Variants in WDR72 observed in about 807,000 individuals in gnomAD.
WDR72 encodes WD repeat-containing protein 72.
Under a neutral mutation model 124.2 loss-of-function variants are expected in WDR72, and 120 were observed. That is an observed-to-expected ratio of 0.97 (90% CI 0.83 to 1.12). The LOEUF is 1.12. Ranked by LOEUF, WDR72 falls within the 50% of genes most tolerant of loss-of-function variation. The pLI is 0.00. For synonymous variants in WDR72, 452 were observed against 441.7 expected (o/e 1.02, Z -0.29); for missense variants, 1,387 against 1,278.8 (o/e 1.08, Z -1.29).
intron 18 of WDR72, among the ~76,000 whole-genome samples, chr15:53,525,407 C>T (rs986848414): frequency 1.3e-5 from 2 of 152,054 alleles, no homozygotes; most frequent in Non-Finnish European, 2.9e-5. Flanking sequence ...ATGCATTGCA[C>T]TTGCCATCCA....
At chr15:53,698,434 T>C (rs2017070836) in intron 13 of WDR72, among the ~76,000 whole-genome samples, 1 of 152,214 alleles carries the variant, frequency 6.6e-6, no homozygotes. Context: ...TCATTGATAA[T>C]AACAATAGTC....
chr15:53,613,570 T>C (rs1028586769), intron 16 of WDR72, 96 bp downstream of exon 16: 3 of 822,016 alleles, frequency 3.6e-6, no homozygotes, highest in African/African-American at 3.4e-5. Flanking sequence ...ATATATGTTA[T>C]TTATTTTGAC....
At chr15:53,600,807 C>A (rs905963340) in intron 17 of WDR72, among the ~76,000 whole-genome samples, 4 of 152,096 alleles carry the variant, frequency 2.6e-5, no homozygotes, top group Non-Finnish European at 1.5e-5. Context: ...ATGATGTGTA[C>A]CCAGTGGTGT....
intron 18 of WDR72, among the ~76,000 whole-genome samples, chr15:53,593,092 T>C (rs1234859510): frequency 1.3e-5 from 2 of 152,104 alleles, no homozygotes; most frequent in African/African-American, 4.8e-5. Context: ...TCTCACTTTA[T>C]TGGATTTCCA....
intron 3 of WDR72, among the ~76,000 whole-genome samples, chr15:53,719,121 T>C (rs924870920): frequency 6.6e-6 from 1 of 152,190 alleles, no homozygotes; most frequent in Non-Finnish European, 1.5e-5. Flanking sequence ...ATTTTTCATA[T>C]TTGTGTGCTT....
At chr15:53,754,734 A>G (rs1013379046) in intron 1 of WDR72, among the ~76,000 whole-genome samples, 1 of 152,094 alleles carries the variant, frequency 6.6e-6, no homozygotes, top group African/African-American at 2.4e-5. Context: ...CCACACAATA[A>G]TTCACCACAA....
At chr15:53,523,883 A>G (rs1319138638) in intron 18 of WDR72, among the ~76,000 whole-genome samples, 1 of 152,086 alleles carries the variant, frequency 6.6e-6, no homozygotes, top group African/African-American at 2.4e-5. Flanking sequence ...TATAATAAGA[A>G]GGGCTATTGT....
chr15:53,711,179 G>T, intron 8 of WDR72, 157 bp downstream of exon 8: 3 of 1,079,438 alleles, frequency 2.8e-6, no homozygotes, highest in Non-Finnish European at 4.1e-6. Context: ...TTGTACAAAG[G>T]CTGAAGCCTA....
At chr15:53,560,304 A>G (rs1203276134) in intron 18 of WDR72, among the ~76,000 whole-genome samples, 1 of 151,904 alleles carries the variant, frequency 6.6e-6, no homozygotes, top group Non-Finnish European at 1.5e-5. Flanking sequence ...TCTGATGCAC[A>G]CGGTAGGGGT....
At chr15:53,748,058 A>C (rs1407568010) in intron 1 of WDR72, among the ~76,000 whole-genome samples, 6 of 151,852 alleles carry the variant, frequency 4.0e-5, no homozygotes, top group African/African-American at 1.5e-4. Flanking sequence ...AAGTAAATTC[A>C]ACAAATATCT....
intron 1 of WDR72, among the ~76,000 whole-genome samples, chr15:53,740,481 G>T (rs958879039): frequency 3.3e-5 from 5 of 151,936 alleles, no homozygotes; most frequent in African/African-American, 1.2e-4. Flanking sequence ...CTAATTTTTT[G>T]TATTTTTAGC....
At chr15:53,640,055 T>TA (rs959128403) in intron 14 of WDR72, among the ~76,000 whole-genome samples, 20 of 152,304 alleles carry the variant, frequency 1.3e-4, no homozygotes, top group Admixed American at 4.6e-4. Context: ...CCAGGTCTTT[T>TA]AAAAAATAAT....
chr15:53,662,337 G>C (rs1362558552), intron 14 of WDR72, among the ~76,000 whole-genome samples: 1 of 152,028 alleles, frequency 6.6e-6, no homozygotes, highest in African/African-American at 2.4e-5. Flanking sequence ...ATGTTTTGTT[G>C]TATTTGTTTT....
At position 53,719,779 on chromosome 15, in the gene WDR72, A is replaced by G. The variant is rs970316875; in HGVS notation, c.260+3023T>C. On this transcript the variant is annotated intron_variant, in intron 3 of 19. Transcript: ENST00000360509. ...ATCTGTATTTTCGGTAGTGGGGCCC[A>G]GAAATCTCTAATTAAACAAACTCTG... is the stretch of plus-strand genomic sequence containing the variant. Among the ~76,000 whole-genome samples, 61 of 152,166 alleles carry G rather than the reference A, an allele frequency of 4.0e-4. 1 individual carries two copies. The highest frequency in any genetic ancestry group is 1.4e-3 in the African/African-American group (58 of 41,446).
chr15:53,648,806 C>G (rs1283539913), intron 14 of WDR72, among the ~76,000 whole-genome samples: 4 of 151,890 alleles, frequency 2.6e-5, no homozygotes, highest in African/African-American at 4.8e-5. Flanking sequence ...TGAGTTCTTT[C>G]AAACAACCAT....
intron 19 of WDR72, among the ~76,000 whole-genome samples, chr15:53,520,800 C>G (rs1337406512): frequency 6.6e-6 from 1 of 152,040 alleles, no homozygotes; most frequent in Non-Finnish European, 1.5e-5. Flanking sequence ...AGTTCAAGAA[C>G]ATCCCTCTCT....
chr15:53,520,534 G>A (rs189182472), intron 19 of WDR72, among the ~76,000 whole-genome samples: 34 of 152,150 alleles, frequency 2.2e-4, no homozygotes, highest in Non-Finnish European at 4.4e-5. Flanking sequence ...TAATGCAATT[G>A]TAAGTTTAGC....
At chr15:53,592,324 C>T (rs1319076652) in intron 18 of WDR72, among the ~76,000 whole-genome samples, 1 of 151,976 alleles carries the variant, frequency 6.6e-6, no homozygotes, top group African/African-American at 2.4e-5. Flanking sequence ...AAAAAAGATG[C>T]ACTTACTACA....
chr15:53,712,944 G>C, intron 6 of WDR72, 53 bp from the exon 7 acceptor site: 1 of 1,600,304 alleles, frequency 6.2e-7, no homozygotes, highest in Non-Finnish European at 8.5e-7. Flanking sequence ...TTCATACACA[G>C]CCATGAGAAG....
Sources: allele counts gnomAD v4.1 joint callset (sites outside exome capture counted in the v4.1 genomes callset), GRCh38; gene constraint gnomAD v4.1.1; transcripts MANE v1.5; gene names NCBI Gene and HGNC (gene_info 2026-07-23, HGNC 2026-07-21).